Variants in THRB observed in about 807,000 individuals in gnomAD.
THRB encodes the protein nuclear receptor subfamily 1 group A member 2.
THRB carries 12 observed loss-of-function variants against 47.8 expected under a neutral mutation model. The ratio of observed to expected loss-of-function variants is 0.25; its 90% CI spans 0.16 to 0.41. THRB has a LOEUF of 0.41. THRB is among the 10% of genes least tolerant of loss of function. THRB has a pLI of 1.00. For missense variants in THRB, 348 were observed against 589.2 expected, an observed-to-expected ratio of 0.59 and a Z score of 4.24; for synonymous variants, 218 against 212.2, an observed-to-expected ratio of 1.03 and a Z score of -0.24.
intron 1 of THRB, among the ~76,000 whole-genome samples, chr3:24,401,790 T>C (rs1032243191): frequency 1.3e-5 from 2 of 151,990 alleles, no homozygotes; most frequent in African/African-American, 4.8e-5. Flanking sequence ...GATGCAGATT[T>C]CTGGCTCCTT....
chr3:24,347,430 G>C (rs1325566789), intron 1 of THRB, among the ~76,000 whole-genome samples: 1 of 149,156 alleles, frequency 6.7e-6, no homozygotes, highest in East Asian at 1.9e-4. Context: ...AGAGAACAGA[G>C]TTACTGTAAC....
chr3:24,161,379 C>T (rs2038788616), intron 5 of THRB, among the ~76,000 whole-genome samples: 1 of 151,706 alleles, frequency 6.6e-6, no homozygotes, highest in East Asian at 1.9e-4. Context: ...GTGGACTGAT[C>T]ACATCTGTGT....
At chr3:24,489,106 T>G (rs139580903) in intron 1 of THRB, among the ~76,000 whole-genome samples, 4 of 151,872 alleles carry the variant, frequency 2.6e-5, no homozygotes, top group African/African-American at 9.7e-5. Context: ...TTACAAAAAT[T>G]AGCTGGGTGT....
At chr3:24,136,654 A>G (rs752490706) in intron 8 of THRB, among the ~76,000 whole-genome samples, 9 of 152,214 alleles carry the variant, frequency 5.9e-5, no homozygotes, top group Non-Finnish European at 8.8e-5. Flanking sequence ...TGTGCCCAAG[A>G]TCAAGCTCCA....
At chr3:24,281,301 G>T (rs1392611740) in intron 3 of THRB, among the ~76,000 whole-genome samples, 6 of 151,410 alleles carry the variant, frequency 4.0e-5, no homozygotes, top group East Asian at 3.9e-4. Flanking sequence ...TTAAAGAAAA[G>T]AATTTTCAAC....
At position 24,253,062 on chromosome 3, in the gene THRB, C is replaced by G. The variant is rs540914056; in HGVS notation, c.-42-24061G>C. ...ACAATACAATACAATACAGTGAATA[C>G]AAATAAAGGTGGGGGAAAGAAAGAA... On this transcript the variant is annotated intron_variant, in intron 3 of 10. Transcript: ENST00000646209. 2.6e-5 allele frequency among the ~76,000 whole-genome samples: 4 copies of G among 151,372 alleles called. No individual in the cohort carries two copies. The South Asian group carries it at 8.4e-4, about 32-fold the overall frequency.
At chr3:24,206,656 G>A (rs551556967) in intron 4 of THRB, among the ~76,000 whole-genome samples, 1 of 152,238 alleles carries the variant, frequency 6.6e-6, no homozygotes, top group Admixed American at 6.5e-5. Context: ...TAAGATCAGA[G>A]CAGAACTGAA....
At chr3:24,470,112 G>C (rs1398190950) in intron 1 of THRB, among the ~76,000 whole-genome samples, 1 of 152,178 alleles carries the variant, frequency 6.6e-6, no homozygotes, top group Non-Finnish European at 1.5e-5. Context: ...TGTTACCCTT[G>C]AGTCATGTGA....
At chr3:24,485,243 A>G (rs1697112582) in intron 1 of THRB, among the ~76,000 whole-genome samples, 1 of 152,258 alleles carries the variant, frequency 6.6e-6, no homozygotes, top group Admixed American at 6.5e-5. Flanking sequence ...CTTTAAATTA[A>G]GCTTCACTTG....
intron 1 of THRB, chr3:24,486,566 T>A (rs1022519906): frequency 2.0e-5 from 3 of 152,224 alleles, no homozygotes; most frequent in Non-Finnish European, 4.4e-5. Context: ...GTGCACCACA[T>A]TCTAGTGCAT....
intron 1 of THRB, among the ~76,000 whole-genome samples, chr3:24,373,286 T>A (rs2065046283): frequency 6.6e-6 from 1 of 152,156 alleles, no homozygotes; most frequent in South Asian, 2.1e-4. Context: ...AGAGATAATG[T>A]ATGTGCAAAC....
chr3:24,453,996 T>C (rs2072928248), intron 1 of THRB, among the ~76,000 whole-genome samples: 1 of 152,106 alleles, frequency 6.6e-6, no homozygotes, highest in Non-Finnish European at 1.5e-5. Context: ...TAGCACCCGC[T>C]CTCTACTTTC....
chr3:24,249,260 A>G (rs1576299479), intron 3 of THRB, among the ~76,000 whole-genome samples: 1 of 152,118 alleles, frequency 6.6e-6, no homozygotes, highest in Admixed American at 6.5e-5. Flanking sequence ...CACCCTGGAA[A>G]TGTTTGAAAA....
At chr3:24,243,723 T>C (rs1208337676) in intron 3 of THRB, among the ~76,000 whole-genome samples, 1 of 152,128 alleles carries the variant, frequency 6.6e-6, no homozygotes, top group African/African-American at 2.4e-5. Context: ...GCTGCTGCTG[T>C]TGTTGACTGT....
chr3:24,161,414 G>A (rs751770288), intron 5 of THRB, among the ~76,000 whole-genome samples: 5 of 151,978 alleles, frequency 3.3e-5, no homozygotes, highest in Non-Finnish European at 4.4e-5. Flanking sequence ...TCAAGTATAG[G>A]GGAAGAATAA....
At chr3:24,198,021 T>C (rs1343323085) in intron 4 of THRB, among the ~76,000 whole-genome samples, 1 of 152,142 alleles carries the variant, frequency 6.6e-6, no homozygotes, top group Non-Finnish European at 1.5e-5. Flanking sequence ...TGGGATGGGG[T>C]GAGCTGGTCA....
rs1238709955 is a variant in THRB, at chr3:24,494,799, T to G, written c.-408A>C. ...CTCTTTTCCAAGCGCACTCACATTA[T>G]TCATGCAAAGTTAATCCCCGCCGCG... On this transcript the variant is annotated 5_prime_UTR_variant, in exon 1 of 11. Transcript: ENST00000646209. 6.6e-6 allele frequency: 1 copy of G among 152,044 alleles called. No homozygotes were observed. Among genetic ancestry groups the G allele is most frequent in the Non-Finnish European group, 1.5e-5 (1 of 68,124 alleles). The allele number at this position is 152,044 out of a possible 1,614,324, so 9.4% of individuals were successfully genotyped here.
intron 3 of THRB, among the ~76,000 whole-genome samples, chr3:24,275,779 G>A (rs2053857367): frequency 6.6e-6 from 1 of 152,178 alleles, no homozygotes. Flanking sequence ...TTGGTGTACA[G>A]TTGAATCAAT....
chr3:24,296,036 A>G (rs1454818751), intron 3 of THRB, among the ~76,000 whole-genome samples: 2 of 152,140 alleles, frequency 1.3e-5, no homozygotes, highest in Non-Finnish European at 2.9e-5. Context: ...TCTAAAGATT[A>G]TTTGCTCCTC....
Sources: allele counts gnomAD v4.1 joint callset (sites outside exome capture counted in the v4.1 genomes callset), GRCh38; gene constraint gnomAD v4.1.1; transcripts MANE v1.5; gene names NCBI Gene and HGNC (gene_info 2026-07-23, HGNC 2026-07-21).